Variants in CNTN3 observed in about 807,000 individuals in gnomAD.
The protein encoded by CNTN3 is contactin-3.
Under a neutral mutation model 119.1 loss-of-function variants are expected in CNTN3, and 60 were observed. That is an observed-to-expected ratio of 0.50 (90% CI 0.41 to 0.62). The LOEUF is 0.62. Among genes scored for constraint, CNTN3 ranks in the 20% least tolerant of loss-of-function variants. The pLI is 0.00. For synonymous variants in CNTN3, 450 were observed against 438.7 expected, an observed-to-expected ratio of 1.03 and a Z score of -0.32; for missense variants, 1,101 against 1,242.4, an observed-to-expected ratio of 0.89 and a Z score of 1.71.
chr3:74,270,577 G>C (rs1422877383), intron 20 of CNTN3, among the ~76,000 whole-genome samples: 1 of 152,184 alleles, frequency 6.6e-6, no homozygotes, highest in Non-Finnish European at 1.5e-5. Context: ...TTAACCAGTA[G>C]TTTAGATAGC....
At chr3:74,400,830 G>T (rs947465836) in intron 5 of CNTN3, among the ~76,000 whole-genome samples, 4 of 152,098 alleles carry the variant, frequency 2.6e-5, no homozygotes, top group African/African-American at 7.2e-5. Context: ...GGAAACATTT[G>T]TAAGACTCCA....
chr3:74,516,755 C>T (rs370899833), intron 2 of CNTN3, among the ~76,000 whole-genome samples: 12 of 145,058 alleles, frequency 8.3e-5, no homozygotes, highest in South Asian at 2.1e-4. Context: ...AAATTCCAGG[C>T]GCTGAGCTAG....
intron 18 of CNTN3, among the ~76,000 whole-genome samples, chr3:74,297,269 G>A (rs1397114898): frequency 6.6e-6 from 1 of 152,100 alleles, no homozygotes; most frequent in Non-Finnish European, 1.5e-5. Context: ...TTCACAAGCT[G>A]GAACGTAGGA....
At chr3:74,299,963 T>A in intron 16 of CNTN3, 25 bp from the exon 17 acceptor site, 1 of 1,455,454 alleles carries the variant, frequency 6.9e-7, no homozygotes, top group Non-Finnish European at 9.4e-7. Context: ...GAAACAGAGA[T>A]GAAATGGTAC....
chr3:74,303,414 C>T (rs576829906), intron 13 of CNTN3, among the ~76,000 whole-genome samples: 7 of 152,160 alleles, frequency 4.6e-5, no homozygotes, highest in Middle Eastern at 3.4e-3. Flanking sequence ...AACAGCTAGC[C>T]GGGCACGGTG....
chr3:74,462,145 T>G (rs2106976844), intron 4 of CNTN3, among the ~76,000 whole-genome samples: 1 of 152,178 alleles, frequency 6.6e-6, no homozygotes, highest in Non-Finnish European at 1.5e-5. Context: ...CTCCAGCTAC[T>G]TAAGATGTGC....
intron 5 of CNTN3, among the ~76,000 whole-genome samples, chr3:74,391,814 C>T (rs139656473): frequency 0.015 from 2,329 of 152,112 alleles, 38 homozygotes; most frequent in African/African-American, 0.036. Flanking sequence ...CGTGCCACCA[C>T]GCCCGGCTAA....
At position 74,558,163 on chromosome 3, in the gene CNTN3, A is replaced by G. The variant is rs150868849; in HGVS notation, c.-80-36971T>C. On this transcript the variant is annotated intron_variant, in intron 1 of 22. Coordinates refer to ENST00000263665, the MANE Select transcript of CNTN3 (RefSeq NM_020872.3). ...TATGAAAGCCCAGTCCCCTGCCTTA[A>G]GATGAGACAACTCTGAAGGGTCATT... 3.8e-3 allele frequency among the ~76,000 whole-genome samples: 575 copies of G among 152,302 alleles called. 6 individuals are homozygous for G. Among genetic ancestry groups the G allele is most frequent in the African/African-American group, 0.013 (559 of 41,570 alleles).
intron 1 of CNTN3, among the ~76,000 whole-genome samples, chr3:74,531,485 T>C (rs943304938): frequency 1.3e-5 from 2 of 151,854 alleles, no homozygotes; most frequent in Non-Finnish European, 2.9e-5. Context: ...AGGTAATTCT[T>C]AGAGAAAAAG....
intron 5 of CNTN3, among the ~76,000 whole-genome samples, chr3:74,418,962 T>A (rs1388402609): frequency 6.6e-6 from 1 of 151,736 alleles, no homozygotes; most frequent in Non-Finnish European, 1.5e-5. Context: ...GGATAATTTT[T>A]TTTTTTTGTA....
At chr3:74,369,557 A>C (rs1006513394) in intron 7 of CNTN3, among the ~76,000 whole-genome samples, 184 bp from the exon 8 acceptor site, 1 of 152,048 alleles carries the variant, frequency 6.6e-6, no homozygotes, top group Non-Finnish European at 1.5e-5. Flanking sequence ...TATTTTAATA[A>C]AATAAACTGC....
At chr3:74,541,696 T>C (rs1252499622) in intron 1 of CNTN3, among the ~76,000 whole-genome samples, 1 of 152,216 alleles carries the variant, frequency 6.6e-6, no homozygotes, top group Non-Finnish European at 1.5e-5. Flanking sequence ...CCTATTAAGC[T>C]ATGTGCTGGG....
At chr3:74,446,164 C>T (rs758816507) in intron 4 of CNTN3, among the ~76,000 whole-genome samples, 4 of 152,150 alleles carry the variant, frequency 2.6e-5, no homozygotes, top group Admixed American at 1.3e-4. Context: ...CAGTTGCTTA[C>T]TTGATCTGTG....
chr3:74,609,747 G>T (rs1049858679), intron 1 of CNTN3, among the ~76,000 whole-genome samples: 1 of 152,124 alleles, frequency 6.6e-6, no homozygotes, highest in African/African-American at 2.4e-5. Context: ...AAGCTTAGTT[G>T]TCATAGGTTT....
chr3:74,361,068 CT>C (rs1197507013), intron 11 of CNTN3, among the ~76,000 whole-genome samples: 1 of 152,082 alleles, frequency 6.6e-6, no homozygotes, highest in Non-Finnish European at 1.5e-5. Flanking sequence ...AATTATTCTG[CT>C]TATCACAAGC....
At chr3:74,610,372 CGTGTGTGCGTAT>C (rs1705061327) in intron 1 of CNTN3, among the ~76,000 whole-genome samples, 1 of 150,576 alleles carries the variant, frequency 6.6e-6, no homozygotes, top group Admixed American at 6.6e-5. Context: ...TGTGTGCACA[CGTGTGTGCGTAT>C]GTGTGTTTAG....
chr3:74,451,434 G>T (rs1277896748), intron 4 of CNTN3, among the ~76,000 whole-genome samples: 1 of 152,018 alleles, frequency 6.6e-6, no homozygotes, highest in Non-Finnish European at 1.5e-5. Context: ...AGATGAGTAG[G>T]TTGTGAAAAT....
intron 5 of CNTN3, among the ~76,000 whole-genome samples, chr3:74,377,009 A>C (rs1205644562): frequency 6.6e-6 from 1 of 152,128 alleles, no homozygotes; most frequent in African/African-American, 2.4e-5. Context: ...TTTATTTAAT[A>C]TGATTATAAG....
intron 20 of CNTN3, among the ~76,000 whole-genome samples, chr3:74,280,936 T>C (rs1020339588): frequency 1.3e-5 from 2 of 152,006 alleles, no homozygotes; most frequent in African/African-American, 4.8e-5. Flanking sequence ...GGCACCCAGG[T>C]GATATCTGAG....
Sources: gnomAD v4.1 joint callset for allele counts (sites outside exome capture counted in the v4.1 genomes callset) on GRCh38, gnomAD v4.1.1 for gene constraint, MANE v1.5 for transcripts, NCBI Gene and HGNC (gene_info 2026-07-23, HGNC 2026-07-21) for gene names.